AMZ1: variants seen among roughly 807,000 people sequenced by gnomAD.
AMZ1 encodes the protein archaemetzincin-1.
Under a neutral mutation model 29.9 loss-of-function variants are expected in AMZ1, and 39 were observed. The observed-to-expected ratio is 1.30, with a 90% CI of 1.01 to 1.70. The LOEUF (loss-of-function observed/expected upper bound fraction) is 1.70, where lower values mean the gene tolerates loss of function less well. AMZ1 is among the 40% of genes most tolerant of loss of function. The pLI, the probability that AMZ1 is intolerant of heterozygous loss-of-function variation, is 0.00. For synonymous variants in AMZ1, 458 were observed against 304.0 expected, an observed-to-expected ratio of 1.51 and a Z score of -5.27; for missense variants, 1,041 against 680.6, an observed-to-expected ratio of 1.53 and a Z score of -5.89.
chr7:2,737,300 T>C (rs1790255495), intron 4 of AMZ1, among the ~76,000 whole-genome samples: 1 of 124,852 alleles, frequency 8.0e-6, no homozygotes. Context: ...TTTTTTTTTT[T>C]TTTTTTGAGA....
chr7:2,731,913 C>T lies in AMZ1; in HGVS notation n.550+22097C>T, dbSNP rs775648986. 2.0e-5 allele frequency among the ~76,000 whole-genome samples: 3 copies of T among 152,120 alleles called. No homozygotes were observed. The highest frequency in any genetic ancestry group is 2.9e-5 in the Non-Finnish European group (2 of 68,020). On this transcript the variant is annotated intron_variant and non_coding_transcript_variant, in intron 4 of 4. Coordinates refer to the AMZ1 transcript ENST00000489665. The surrounding 1 kb of genome is among the most constrained non-coding windows in gnomAD (Gnocchi z 6.0). ...TTCATTTATAACATTATCAACTGGC[C>T]GTGAAACAGAAAGAATCAAATACTT...
At chr7:2,739,598 G>C (rs1790396583) in intron 4 of AMZ1, among the ~76,000 whole-genome samples, 1 of 152,214 alleles carries the variant, frequency 6.6e-6, no homozygotes, top group African/African-American at 2.4e-5. Context: ...ACAAACAGCT[G>C]TGTGGAAGTT....
chr7:2,728,479 A>C (rs558014174), intron 4 of AMZ1: 14 of 152,486 alleles, frequency 9.2e-5, no homozygotes, highest in African/African-American at 3.1e-4. Flanking sequence ...TTTCTCTACG[A>C]ACATAAGAGT....
downstream of AMZ1, among the ~76,000 whole-genome samples, chr7:2,723,228 A>T (rs1789493862): frequency 6.6e-6 from 1 of 152,232 alleles, no homozygotes; most frequent in Non-Finnish European, 1.5e-5. Flanking sequence ...GCCCTGCTGC[A>T]GACGCGTGCT....
chr7:2,720,347 C>G (rs140293579), downstream of AMZ1, among the ~76,000 whole-genome samples: 3 of 152,170 alleles, frequency 2.0e-5, no homozygotes, highest in African/African-American at 4.8e-5. Flanking sequence ...ACTTTTTATG[C>G]GCTGTGACAA....
In AMZ1 at chr7:2,711,295, C is replaced by G. The variant is rs562591969; in HGVS notation, c.949-1035C>G. ...AGGTGCTGGAGAGCTGACCAAGGGCCTGGCCAGAAAAGGTCACTGCTGTCC... is the reference window on the plus strand; with the variant it reads ...AGGTGCTGGAGAGCTGACCAAGGGCGTGGCCAGAAAAGGTCACTGCTGTCC... On this transcript the variant is annotated intron_variant, in intron 6 of 6. Coordinates refer to ENST00000683327, the MANE Select transcript of AMZ1 (RefSeq NM_001384743.1). Among the ~76,000 whole-genome samples the G allele has an allele frequency of 2.0e-5, 3 of 152,302 alleles. No homozygotes were observed. In the South Asian group the frequency reaches 6.2e-4, roughly 32 times the overall value.
chr7:2,710,035 G>C (rs2115172630), intron 6 of AMZ1, among the ~76,000 whole-genome samples: 1 of 152,370 alleles, frequency 6.6e-6, no homozygotes, highest in East Asian at 1.9e-4. Context: ...TGTGGTGGCT[G>C]TGACTGGGAG....
chr7:2,733,844 A>C (rs554206146), intron 4 of AMZ1, among the ~76,000 whole-genome samples: 2 of 152,318 alleles, frequency 1.3e-5, no homozygotes, highest in South Asian at 4.1e-4. Context: ...TGCGGCCAGC[A>C]AAGGACAGGC....
chr7:2,682,533 T>C (rs906122283), intron 1 of AMZ1, among the ~76,000 whole-genome samples: 2 of 152,142 alleles, frequency 1.3e-5, no homozygotes, highest in African/African-American at 4.8e-5. Context: ...CTGTACTCTG[T>C]GCTAGGACAC....
intron 4 of AMZ1, among the ~76,000 whole-genome samples, chr7:2,745,848 GA>G (rs1490482502): frequency 3.3e-5 from 5 of 152,024 alleles, no homozygotes; most frequent in African/African-American, 1.2e-4. Context: ...ATGGAAAACA[GA>G]AAAACGCAGG....
intron 6 of AMZ1, among the ~76,000 whole-genome samples, chr7:2,711,151 G>C (rs1335246270): frequency 6.6e-6 from 1 of 152,220 alleles, no homozygotes; most frequent in Non-Finnish European, 1.5e-5. Flanking sequence ...ACCATCTCCT[G>C]AGGCTGTGGA....
At chr7:2,755,382 A>AAC (rs1387177978) in intron 4 of AMZ1, among the ~76,000 whole-genome samples, 5 of 152,236 alleles carry the variant, frequency 3.3e-5, no homozygotes, top group African/African-American at 1.2e-4. Context: ...GTTTTCCATG[A>AAC]ACACGGCACA....
intron 1 of AMZ1, among the ~76,000 whole-genome samples, chr7:2,691,072 A>AG (rs199638371): frequency 0.016 from 2,162 of 136,094 alleles, 59 homozygotes; most frequent in African/African-American, 0.057. Flanking sequence ...ACCCTGGAGG[A>AG]GAAGGAGGTT....
In AMZ1 at chr7:2,717,020, G is replaced by A. The variant is rs1004868177; in HGVS notation, c.*4142G>A. Among the ~76,000 whole-genome samples the A allele has an allele frequency of 3.3e-5, 5 of 152,166 alleles. No homozygotes were observed. Among genetic ancestry groups the A allele is most frequent in the East Asian group, 1.9e-4 (1 of 5,186 alleles). On this transcript the variant is annotated 3_prime_UTR_variant, in exon 7 of 7. Coordinates refer to ENST00000683327, the MANE Select transcript of AMZ1 (RefSeq NM_001384743.1). Reference sequence around the variant, plus strand: ...CTGAGCAGGAAGAGAGTAAGAAGGCGCACGGACGCGGGAGGCCTGCACCCT... The same window carrying A: ...CTGAGCAGGAAGAGAGTAAGAAGGCACACGGACGCGGGAGGCCTGCACCCT...
upstream of AMZ1, among the ~76,000 whole-genome samples, chr7:2,686,033 A>G (rs1199747356): frequency 6.6e-6 from 1 of 152,222 alleles, no homozygotes; most frequent in Non-Finnish European, 1.5e-5. Flanking sequence ...ATACCTGTAC[A>G]AAGATCTGTG....
chr7:2,721,787 G>A (rs1789432918), downstream of AMZ1, among the ~76,000 whole-genome samples: 2 of 151,896 alleles, frequency 1.3e-5, no homozygotes, highest in African/African-American at 4.8e-5. Context: ...CAGTGGCGGG[G>A]GAGGCAGGGA....
chr7:2,700,085 G>C (rs1458847697), intron 1 of AMZ1, 149 bp from the exon 2 acceptor site: 1 of 240,218 alleles, frequency 4.2e-6, no homozygotes, highest in East Asian at 8.7e-5. Flanking sequence ...TGGCAGTGCT[G>C]TGTCCTGGAG....
In AMZ1 at chr7:2,731,589, C is replaced by A; in HGVS notation, n.550+21773C>A. 2 of 1,613,652 alleles carry A rather than the reference C, an allele frequency of 1.2e-6. No individual in the cohort carries two copies. The highest frequency in any genetic ancestry group is 1.7e-6 in the Non-Finnish European group (2 of 1,179,792). ...TGGAGGAGACCATGAACAGGATGGA[C>A]GTGATCCCGTCGAAGCACTGGAACC... On this transcript the variant is annotated intron_variant and non_coding_transcript_variant, in intron 4 of 4. Coordinates refer to the AMZ1 transcript ENST00000489665. This position sits in a 1 kb window ranked among gnomAD's most constrained non-coding sequence, Gnocchi z 6.0.
At chr7:2,738,746 T>C (rs973328150) in intron 4 of AMZ1, among the ~76,000 whole-genome samples, 24 of 152,212 alleles carry the variant, frequency 1.6e-4, no homozygotes, top group South Asian at 6.2e-4. Flanking sequence ...CCCCTCAAAA[T>C]TGAACCCAAA....
Sources: gnomAD v4.1 joint callset for allele counts (sites outside exome capture counted in the v4.1 genomes callset) on GRCh38, gnomAD v4.1.1 for gene constraint, Gnocchi (gnomAD v3.1) non-coding constraint, MANE v1.5 for transcripts, NCBI Gene and HGNC (gene_info 2026-07-23, HGNC 2026-07-21) for gene names.